Variants in C1orf21 observed in about 807,000 individuals in gnomAD.
C1orf21 encodes chromosome 1 open reading frame 21.
In C1orf21, 3 loss-of-function variants were observed where a neutral mutation model predicts 18.7. The observed-to-expected ratio is 0.16, with a 90% CI of 0.07 to 0.42. The LOEUF (loss-of-function observed/expected upper bound fraction) is 0.42. C1orf21 is among the 10% of genes least tolerant of loss of function. C1orf21 has a pLI of 0.99. For missense variants in C1orf21, 104 were observed against 143.6 expected, an observed-to-expected ratio of 0.72 and a Z score of 1.41; for synonymous variants, 41 against 46.4, an observed-to-expected ratio of 0.88 and a Z score of 0.47.
At chr1:184,497,000 T>A (rs1446156468) in intron 2 of C1orf21, among the ~76,000 whole-genome samples, 1 of 152,242 alleles carries the variant, frequency 6.6e-6, no homozygotes, top group East Asian at 1.9e-4. Context: ...GGACCACCTC[T>A]GCATCAGCTC....
intron 5 of C1orf21, among the ~76,000 whole-genome samples, chr1:184,603,531 A>T (rs1659611827): frequency 6.6e-6 from 1 of 152,264 alleles, no homozygotes; most frequent in Non-Finnish European, 1.5e-5. Context: ...GCAGTGGCTC[A>T]CGCCTATAAT....
intron 5 of C1orf21, among the ~76,000 whole-genome samples, chr1:184,602,768 A>G (rs74134117): frequency 0.012 from 1,800 of 152,374 alleles, 30 homozygotes; most frequent in African/African-American, 0.038. Flanking sequence ...AGCAGAAAAA[A>G]TAAATAAATT....
intron 2 of C1orf21, among the ~76,000 whole-genome samples, chr1:184,502,452 C>G (rs550548545): frequency 6.6e-6 from 1 of 152,178 alleles, no homozygotes; most frequent in African/African-American, 2.4e-5. Context: ...ACATTCAAAC[C>G]ATAGCAACCA....
chr1:184,445,801 AT>A (rs1657021092), intron 1 of C1orf21, among the ~76,000 whole-genome samples: 1 of 151,294 alleles, frequency 6.6e-6, no homozygotes, highest in African/African-American at 2.4e-5. Context: ...TATGAAAAAA[AT>A]GTTACATAGG....
At chr1:184,469,881 A>G (rs1657469515) in intron 1 of C1orf21, among the ~76,000 whole-genome samples, 1 of 152,108 alleles carries the variant, frequency 6.6e-6, no homozygotes, top group Non-Finnish European at 1.5e-5. Context: ...TATTATGTTT[A>G]TGATCTGTTA....
intron 3 of C1orf21, among the ~76,000 whole-genome samples, chr1:184,588,790 G>A (rs1659396994): frequency 6.6e-6 from 1 of 152,154 alleles, no homozygotes; most frequent in Non-Finnish European, 1.5e-5. Context: ...CAAACACATT[G>A]TAAATACATA....
intron 2 of C1orf21, among the ~76,000 whole-genome samples, chr1:184,490,084 G>A (rs1264853624): frequency 6.6e-6 from 1 of 152,212 alleles, no homozygotes; most frequent in East Asian, 1.9e-4. Flanking sequence ...GGGCAACAGG[G>A]ATCTGACTGA....
At chr1:184,445,345 T>C (rs1334163186) in intron 1 of C1orf21, among the ~76,000 whole-genome samples, 1 of 133,230 alleles carries the variant, frequency 7.5e-6, no homozygotes, top group Non-Finnish European at 1.5e-5. Flanking sequence ...TTTTCAGACC[T>C]CTCTCTCTCT....
At chr1:184,577,947 G>GTTTTTTTTTTTTTTTTTTTTTTTTTTT (rs201196718) in intron 3 of C1orf21, among the ~76,000 whole-genome samples, 2 of 86,752 alleles carry the variant, frequency 2.3e-5, no homozygotes, top group Non-Finnish European at 4.4e-5. Context: ...TTTTTGTTTT[G>GTTTTTTTTTTTTTTTTTTTTTTTTTTT]TTTTTGTTTT....
intron 3 of C1orf21, among the ~76,000 whole-genome samples, chr1:184,528,204 A>G (rs990165538): frequency 6.6e-6 from 1 of 152,218 alleles, no homozygotes; most frequent in Non-Finnish European, 1.5e-5. Context: ...TAATATAACT[A>G]GTAAAGTATG....
chr1:184,395,042 A>C (rs1656029955), intron 1 of C1orf21, among the ~76,000 whole-genome samples: 1 of 152,126 alleles, frequency 6.6e-6, no homozygotes, highest in Non-Finnish European at 1.5e-5. Flanking sequence ...TTGAGATCCA[A>C]GATATTTCTC....
chr1:184,489,851 G>A (rs1451818198), intron 2 of C1orf21, among the ~76,000 whole-genome samples: 3 of 152,162 alleles, frequency 2.0e-5, no homozygotes, highest in African/African-American at 4.8e-5. Context: ...TTTTACGATG[G>A]CAGTCTCTTT....
At chr1:184,418,198 AC>A (rs1281498535) in intron 1 of C1orf21, among the ~76,000 whole-genome samples, 2 of 150,972 alleles carry the variant, frequency 1.3e-5, no homozygotes, top group Admixed American at 6.6e-5. Context: ...AGAGGAAAGA[AC>A]CTCCAATAGA....
chr1:184,581,726 A>AT (rs1348519652), intron 3 of C1orf21, among the ~76,000 whole-genome samples: 1 of 152,122 alleles, frequency 6.6e-6, no homozygotes, highest in Non-Finnish European at 1.5e-5. Context: ...GTTCTGAGCA[A>AT]TTTTTTACAA....
chr1:184,526,340 G>T (rs991898148), intron 3 of C1orf21, among the ~76,000 whole-genome samples: 1 of 152,100 alleles, frequency 6.6e-6, no homozygotes, highest in African/African-American at 2.4e-5. Context: ...CTAATTCTTT[G>T]CTAGCCTTCT....
At chr1:184,586,208 G>A (rs577126339) in intron 3 of C1orf21, among the ~76,000 whole-genome samples, 12 of 151,200 alleles carry the variant, frequency 7.9e-5, no homozygotes, top group African/African-American at 2.9e-4. Context: ...GATCAGTGAT[G>A]TTAAACTTTT....
chr1:184,598,724 T>C (rs1659549803), intron 5 of C1orf21, among the ~76,000 whole-genome samples: 1 of 152,126 alleles, frequency 6.6e-6, no homozygotes, highest in Non-Finnish European at 1.5e-5. Context: ...CAGTCTTTTT[T>C]TCTAGACCGA....
At chr1:184,489,949 A>G (rs1265285599) in intron 2 of C1orf21, among the ~76,000 whole-genome samples, 1 of 152,150 alleles carries the variant, frequency 6.6e-6, no homozygotes, top group African/African-American at 2.4e-5. Flanking sequence ...ATCATTCACT[A>G]CAACTGTTTA....
At chr1:184,597,151 G>A (rs1272214323) in intron 4 of C1orf21, among the ~76,000 whole-genome samples, 1 of 152,122 alleles carries the variant, frequency 6.6e-6, no homozygotes, top group East Asian at 1.9e-4. Context: ...AAGAGAGGGC[G>A]TGTTTCCCAA....
Sources: allele counts gnomAD v4.1 joint callset (sites outside exome capture counted in the v4.1 genomes callset), GRCh38; gene constraint gnomAD v4.1.1; transcripts MANE v1.5; gene names NCBI Gene and HGNC (gene_info 2026-07-23, HGNC 2026-07-21).